MMP16: variants seen among roughly 807,000 people sequenced by gnomAD.
MMP16 encodes matrix metalloproteinase-16.
A neutral mutation model predicts 67.8 loss-of-function variants in MMP16; 12 were observed. The observed-to-expected ratio is 0.18, with a 90% CI of 0.11 to 0.29. MMP16 has a LOEUF of 0.29. Ranked by LOEUF, MMP16 falls within the 10% of genes least tolerant of loss-of-function variation. The pLI, the probability that MMP16 is intolerant of heterozygous loss-of-function variation, is 1.00. For synonymous variants in MMP16, 249 were observed against 255.9 expected (o/e 0.97, Z 0.26); for missense variants, 475 against 765.7 (o/e 0.62, Z 4.48).
intron 7 of MMP16, among the ~76,000 whole-genome samples, chr8:88,059,209 T>A (rs1808366794): frequency 6.6e-6 from 1 of 152,048 alleles, no homozygotes; most frequent in Non-Finnish European, 1.5e-5. Flanking sequence ...TATCCTGGGA[T>A]GAGTATACAC....
In MMP16 at chr8:88,212,362, G is replaced by C. The variant is rs1809525811; in HGVS notation, c.133-15056C>G. The stretch of plus-strand genomic sequence containing the variant: ...GATTATGCTTCCTTACAGGGTTGTG[G>C]TGAGAATTCAATAAAATTGGCCCTA... On this transcript the variant is annotated intron_variant, in intron 1 of 9. Coordinates refer to ENST00000286614, the MANE Select transcript of MMP16 (RefSeq NM_005941.5). Among the ~76,000 whole-genome samples the C allele has an allele frequency of 2.0e-5, 3 of 152,104 alleles. No homozygotes were observed. The South Asian group carries it at 6.2e-4, about 31-fold the overall frequency.
chr8:88,235,234 G>T (rs1167518805), intron 1 of MMP16, among the ~76,000 whole-genome samples: 5 of 151,848 alleles, frequency 3.3e-5, no homozygotes, highest in African/African-American at 1.2e-4. Flanking sequence ...TCTACTAAAA[G>T]TTCAAAAATT....
chr8:88,197,225 C>A lies in MMP16; in HGVS notation c.214G>T (p.Ala72Ser). Residue 72 changes from alanine (A) to serine (S), a missense_variant, in exon 2 of 10, where the codon GCC (alanine) becomes TCC (serine). Physicochemically the swap from Ala to Ser is moderately conservative, Grantham distance 99 (BLOSUM62 1). Around this residue, in one of 5 missense-constraint regions of MMP16, gnomAD observed 170 missense variants for 239.6 expected, o/e 0.71. Transcript: ENST00000286614. ...TAGAACTGCTGCATGGCAGCTAGGGCAGACTGCATGGTCTCTGCAGAGCGC... is the reference window on the plus strand; with the variant it reads ...TAGAACTGCTGCATGGCAGCTAGGGAAGACTGCATGGTCTCTGCAGAGCGC... ...VLRSAETMQS[A>S]LAAMQQFYGI... The A allele has an allele frequency of 6.2e-7, 1 of 1,612,204 alleles. No homozygotes were observed. Among genetic ancestry groups the A allele is most frequent in the Non-Finnish European group, 8.5e-7 (1 of 1,179,410 alleles).
intron 3 of MMP16, among the ~76,000 whole-genome samples, chr8:88,183,780 A>G (rs1809023056): frequency 7.4e-6 from 1 of 134,646 alleles, no homozygotes; most frequent in African/African-American, 2.8e-5. Context: ...CAATGGCGCG[A>G]TCTCGGCTCA....
At chr8:88,049,685 T>C (rs1335709491) in intron 8 of MMP16, among the ~76,000 whole-genome samples, 1 of 152,162 alleles carries the variant, frequency 6.6e-6, no homozygotes, top group Non-Finnish European at 1.5e-5. Flanking sequence ...CACTTTTAGA[T>C]GACATAAACT....
chr8:88,151,359 G>A (rs1472354894), intron 4 of MMP16, among the ~76,000 whole-genome samples: 49 of 149,736 alleles, frequency 3.3e-4, no homozygotes, highest in African/African-American at 7.1e-4. Flanking sequence ...TGTACCAAGC[G>A]GACCTAATAG....
At chr8:88,103,965 A>C (rs931091928) in intron 6 of MMP16, among the ~76,000 whole-genome samples, 1 of 151,814 alleles carries the variant, frequency 6.6e-6, no homozygotes, top group Non-Finnish European at 1.5e-5. Context: ...TATATTATTG[A>C]AACTTGTCAT....
chr8:88,033,249 CA>C lies in MMP16; in HGVS notation c.*8211del, dbSNP rs1808008560. ...TTTTAAATATATGGTATTTATTTGA[CA>C]AACTAAGTTTATGGGAGCTTTTTCT... On this transcript the variant is annotated 3_prime_UTR_variant, in exon 10 of 10. Transcript: ENST00000286614. 1 of 150,492 alleles carries C rather than the reference CA, an allele frequency of 6.6e-6. No individual in the cohort carries two copies. Among genetic ancestry groups the C allele is most frequent in the Non-Finnish European group, 1.5e-5 (1 of 67,628 alleles). 9.3% of individuals were successfully genotyped at this position (150,492 alleles called of 1,614,324 possible).
rs374121741 is a variant in MMP16, at chr8:88,264,131, T to C, written c.132+62944A>G. 2.7e-3 allele frequency among the ~76,000 whole-genome samples: 411 copies of C among 150,120 alleles called. 3 individuals are homozygous for C. The highest frequency in any genetic ancestry group is 8.8e-3 in the African/African-American group (358 of 40,688). On this transcript the variant is annotated intron_variant, in intron 1 of 9. Transcript: ENST00000286614. ...TATTACTTTAGGTCAGTGCTAGACA[T>C]AGGAAAGAAGTCAATATGTATTTAT...
intron 1 of MMP16, among the ~76,000 whole-genome samples, chr8:88,325,737 A>G (rs1811525698): frequency 6.6e-6 from 1 of 151,790 alleles, no homozygotes; most frequent in African/African-American, 2.4e-5. Flanking sequence ...TAGTTTTCAA[A>G]TTGGGTTTTT....
chr8:88,139,302 T>C (rs1355628705), intron 4 of MMP16, among the ~76,000 whole-genome samples: 1 of 152,104 alleles, frequency 6.6e-6, no homozygotes, highest in Non-Finnish European at 1.5e-5. Context: ...CTTCTCAATA[T>C]ATTCTCTTCT....
At chr8:88,124,701 GA>G (rs1172955259) in intron 4 of MMP16, among the ~76,000 whole-genome samples, 13 of 151,922 alleles carry the variant, frequency 8.6e-5, no homozygotes, top group African/African-American at 2.4e-4. Context: ...TAAAACTTAG[GA>G]AGTGTTTTAG....
In MMP16 at chr8:88,310,429, T is replaced by C. The variant is rs1346106202; in HGVS notation, c.132+16646A>G. 2.6e-5 allele frequency among the ~76,000 whole-genome samples: 4 copies of C among 152,048 alleles called. 1 individual carries two copies. The highest frequency in any genetic ancestry group is 5.9e-5 in the Non-Finnish European group (4 of 67,968). ...TAAAGTAATTGAAGTAAATGTAAGGTAAAGGCACCATACTGTCATCCAGTA... is the reference window on the plus strand; with the variant it reads ...TAAAGTAATTGAAGTAAATGTAAGGCAAAGGCACCATACTGTCATCCAGTA... On this transcript the variant is annotated intron_variant, in intron 1 of 9. Transcript: ENST00000286614.
At chr8:88,169,647 T>C (rs2129707542) in intron 3 of MMP16, among the ~76,000 whole-genome samples, 1 of 152,246 alleles carries the variant, frequency 6.6e-6, no homozygotes, top group East Asian at 1.9e-4. Context: ...AGAAATAAGA[T>C]AGCAAACCAA....
chr8:88,102,042 CTG>C (rs1809153711), intron 6 of MMP16, among the ~76,000 whole-genome samples: 1 of 151,850 alleles, frequency 6.6e-6, no homozygotes, highest in Non-Finnish European at 1.5e-5. Context: ...AAGACTGAAA[CTG>C]TTTTTCTTCT....
chr8:88,101,309 T>C (rs540884723), intron 6 of MMP16, among the ~76,000 whole-genome samples: 2 of 151,962 alleles, frequency 1.3e-5, no homozygotes, highest in Non-Finnish European at 2.9e-5. Context: ...ACATTGAATA[T>C]GACTATACAT....
At chr8:88,219,824 G>A (rs1266557811) in intron 1 of MMP16, among the ~76,000 whole-genome samples, 1 of 152,020 alleles carries the variant, frequency 6.6e-6, no homozygotes, top group East Asian at 1.9e-4. Flanking sequence ...TATTGAATCC[G>A]AAGAGCTTTG....
chr8:88,300,986 G>T (rs1469879956), intron 1 of MMP16, among the ~76,000 whole-genome samples: 2 of 152,182 alleles, frequency 1.3e-5, no homozygotes, highest in Admixed American at 6.5e-5. Flanking sequence ...GTGTTTAGAG[G>T]CAGGGAGACA....
chr8:88,087,360 G>C (rs1435360470), intron 6 of MMP16, among the ~76,000 whole-genome samples: 1 of 151,776 alleles, frequency 6.6e-6, no homozygotes, highest in African/African-American at 2.4e-5. Context: ...TTCCCCCAAA[G>C]ACTTCTTGCT....
Sources: gnomAD v4.1 joint callset for allele counts (sites outside exome capture counted in the v4.1 genomes callset) on GRCh38, gnomAD v4.1.1 for gene constraint, gnomAD v4.1.1 regional missense constraint, MANE v1.5 for transcripts, NCBI Gene and HGNC (gene_info 2026-07-23, HGNC 2026-07-21) for gene names.